The following TENM4 variants were observed in gnomAD, a reference collection of about 807,000 sequenced individuals.
TENM4 encodes the protein teneurin transmembrane protein 4, also known as teneurin-4.
TENM4 carries 82 observed loss-of-function variants against 243.3 expected under a neutral mutation model. The ratio of observed to expected loss-of-function variants is 0.34; its 90% CI spans 0.28 to 0.40. TENM4 has a LOEUF of 0.40. TENM4 is among the 10% of genes least tolerant of loss of function. The probability of loss-of-function intolerance (pLI) is 1.00; values close to 1 mark genes in which losing one functional copy is unlikely to be tolerated. For missense variants in TENM4, 3,138 were observed against 3,673.3 expected (o/e 0.85, Z 3.77); for synonymous variants, 1,412 against 1,456.3 (o/e 0.97, Z 0.69).
Position 78,906,565 on chromosome 11 carries a change from T to G in TENM4, c.494-3042A>C, listed in dbSNP as rs1856066913. On this transcript the variant is annotated intron_variant, in intron 6 of 33. Transcript: ENST00000278550. ...CACTGGTCCAGGTCTAAAAACTAAC[T>G]TCTAAAAGGAAATTCTCCTATGGGG... Among the ~76,000 whole-genome samples, 5 of 152,214 alleles carry G rather than the reference T, an allele frequency of 3.3e-5. No individual in the cohort carries two copies. The South Asian group carries it at 1.0e-3, about 32-fold the overall frequency.
chr11:78,732,282 A>T, intron 21 of TENM4, 34 bp downstream of exon 21: 1 of 1,556,540 alleles, frequency 6.4e-7, no homozygotes, highest in Non-Finnish European at 8.7e-7. Context: ...ATGAAATAAA[A>T]GCATGGTGGA....
Position 78,726,127 on chromosome 11 carries a change from G to T in TENM4, c.3502C>A (p.Leu1168Ile), listed in dbSNP as rs1855505325. Residue 1168 changes from leucine (L) to isoleucine (I), a missense_variant, in exon 23 of 34, where the codon CTT (leucine) becomes ATT (isoleucine). By Grantham distance (5) the Leu-to-Ile change is conservative. Transcript: ENST00000278550. ...LQGYEIDASK[L>I]GGWSLDKHHA... ...TGTTTGTCTAGGCTCCATCCTCCAA[G>T]CTTGGACGCGTCAATTTCATAGCCC... The T allele has an allele frequency of 6.2e-7, 1 of 1,613,916 alleles. No homozygotes were observed. Among genetic ancestry groups the T allele is most frequent in the Non-Finnish European group, 8.5e-7 (1 of 1,179,910 alleles).
chr11:79,296,200 CTG>C (rs1442349323), intron 2 of TENM4, among the ~76,000 whole-genome samples: 1 of 152,190 alleles, frequency 6.6e-6, no homozygotes, highest in Non-Finnish European at 1.5e-5. Context: ...ACAGCATTCT[CTG>C]TGTCTTGCCT....
At chr11:78,712,036 T>A (rs778671009) in intron 26 of TENM4, among the ~76,000 whole-genome samples, 13 of 152,166 alleles carry the variant, frequency 8.5e-5, no homozygotes, top group African/African-American at 3.1e-4. Flanking sequence ...TATGAACATA[T>A]GAAAACACGA....
At chr11:79,416,151 T>C (rs1471102581) in intron 1 of TENM4, among the ~76,000 whole-genome samples, 1 of 152,244 alleles carries the variant, frequency 6.6e-6, no homozygotes, top group Non-Finnish European at 1.5e-5. Context: ...TTGATGGACA[T>C]TTGGGTGACT....
chr11:79,400,121 A>G (rs1302924997), intron 1 of TENM4, among the ~76,000 whole-genome samples: 2 of 150,866 alleles, frequency 1.3e-5, no homozygotes, highest in East Asian at 3.9e-4. Context: ...ACACACACAC[A>G]CACACACACA....
At chr11:79,291,086 C>T (rs1379636151) in intron 2 of TENM4, among the ~76,000 whole-genome samples, 1 of 152,106 alleles carries the variant, frequency 6.6e-6, no homozygotes, top group Non-Finnish European at 1.5e-5. Flanking sequence ...GCTGTGGTGG[C>T]TCTGGGTGGA....
chr11:79,395,942 C>T (rs2048006863), intron 1 of TENM4, among the ~76,000 whole-genome samples: 1 of 152,204 alleles, frequency 6.6e-6, no homozygotes, highest in African/African-American at 2.4e-5. Flanking sequence ...GTTTACTCAT[C>T]TGTAAAATGG....
chr11:79,137,574 AC>A (rs1174003934), intron 4 of TENM4, among the ~76,000 whole-genome samples: 2 of 152,158 alleles, frequency 1.3e-5, no homozygotes, highest in Non-Finnish European at 2.9e-5. Context: ...AATACCAGTT[AC>A]AACCGCGTGA....
intron 2 of TENM4, among the ~76,000 whole-genome samples, chr11:79,233,480 GAT>G (rs1590813979): frequency 1.3e-5 from 2 of 152,286 alleles, no homozygotes; most frequent in East Asian, 1.9e-4. Flanking sequence ...CTTGAGTGAG[GAT>G]GGTAGATGAA....
chr11:78,755,284 C>A (rs1485966435), intron 19 of TENM4, among the ~76,000 whole-genome samples: 1 of 152,164 alleles, frequency 6.6e-6, no homozygotes, highest in Non-Finnish European at 1.5e-5. Context: ...CCCACCTCAG[C>A]CTCCTGAGTA....
At chr11:79,086,963 C>T (rs76142746) in intron 4 of TENM4, among the ~76,000 whole-genome samples, 1,675 of 151,802 alleles carry the variant, frequency 0.011, 41 homozygotes, top group African/African-American at 0.039. Flanking sequence ...CATTCTGTAC[C>T]TTTTTTTGAT....
At chr11:79,016,318 G>A (rs939393560) in intron 6 of TENM4, among the ~76,000 whole-genome samples, 2 of 152,064 alleles carry the variant, frequency 1.3e-5, no homozygotes, top group Admixed American at 1.3e-4. Context: ...CATTTTTGGA[G>A]GTGGAACCAA....
At chr11:78,968,957 G>T (rs529985878) in intron 6 of TENM4, among the ~76,000 whole-genome samples, 2 of 152,178 alleles carry the variant, frequency 1.3e-5, no homozygotes, top group East Asian at 1.9e-4. Flanking sequence ...GCCCAATGTC[G>T]CTGCTGGCTG....
At chr11:78,804,917 A>T (rs1321455630) in intron 15 of TENM4, among the ~76,000 whole-genome samples, 4 of 152,102 alleles carry the variant, frequency 2.6e-5, no homozygotes, top group Non-Finnish European at 5.9e-5. Context: ...TGGCTGGGAC[A>T]TTTATCCTAT....
Position 78,657,423 on chromosome 11 carries a change from C to G in TENM4, c.*635G>C. On this transcript the variant is annotated 3_prime_UTR_variant, in exon 34 of 34. Coordinates refer to ENST00000278550, the MANE Select transcript of TENM4 (RefSeq NM_001098816.3). ...AGAAAGCTTGAACAGGAGTTTGGGG[C>G]AGCTTAAAAAAGGTGCTGAACAACA... The G allele has an allele frequency of 2.6e-6, 1 of 380,992 alleles. No individual in the cohort carries two copies. Among genetic ancestry groups the G allele is most frequent in the East Asian group, 3.8e-5 (1 of 26,656 alleles). 23.6% of individuals were successfully genotyped at this position (380,992 alleles called of 1,614,324 possible). A position where few individuals can be genotyped will look rare whatever the true frequency, so the allele number is the denominator to read the frequency against.
At chr11:79,060,071 C>T (rs531402768) in intron 6 of TENM4, among the ~76,000 whole-genome samples, 15 of 152,324 alleles carry the variant, frequency 9.8e-5, no homozygotes, top group Non-Finnish European at 2.1e-4. Flanking sequence ...AGAATGAACC[C>T]ACAAAAGACA....
intron 2 of TENM4, among the ~76,000 whole-genome samples, chr11:79,293,374 G>A (rs1052647939): frequency 2.0e-5 from 3 of 152,004 alleles, no homozygotes; most frequent in Non-Finnish European, 2.9e-5. Flanking sequence ...AGGCATGGTG[G>A]TATATGCCTG....
At chr11:78,668,101 G>A (rs932976785) in intron 32 of TENM4, among the ~76,000 whole-genome samples, 12 of 152,172 alleles carry the variant, frequency 7.9e-5, no homozygotes, top group South Asian at 2.1e-4. Flanking sequence ...CAGGCACTGC[G>A]CTAAGTACCT....
Sources: allele counts gnomAD v4.1 joint callset (sites outside exome capture counted in the v4.1 genomes callset), GRCh38; gene constraint gnomAD v4.1.1; transcripts MANE v1.5; gene names NCBI Gene and HGNC (gene_info 2026-07-23, HGNC 2026-07-21).